The following PDE6A variants were observed in gnomAD, a reference collection of about 807,000 sequenced individuals.
The protein encoded by PDE6A is rod cGMP-specific 3',5'-cyclic phosphodiesterase subunit alpha.
In PDE6A, 84 loss-of-function variants were observed where a neutral mutation model predicts 106.3. That is an observed-to-expected ratio of 0.79 (90% CI 0.66 to 0.95). The LOEUF (loss-of-function observed/expected upper bound fraction) is 0.95, where lower values mean the gene tolerates loss of function less well. Among genes scored for constraint, PDE6A ranks in the 40% least tolerant of loss-of-function variants. The pLI is 0.00. For synonymous variants in PDE6A, 394 were observed against 386.6 expected (o/e 1.02, Z -0.23); for missense variants, 1,052 against 1,084.9 (o/e 0.97, Z 0.43).
At chr5:149,921,096 A>C (rs539394630) in intron 5 of PDE6A, among the ~76,000 whole-genome samples, 96 of 152,294 alleles carry the variant, frequency 6.3e-4, no homozygotes, top group African/African-American at 2.2e-3. Flanking sequence ...CTAGATATGA[A>C]GGTTTTCTAA....
intron 6 of PDE6A, among the ~76,000 whole-genome samples, chr5:149,912,465 T>A (rs552331052): frequency 2.0e-5 from 3 of 152,212 alleles, no homozygotes; most frequent in Admixed American, 6.5e-5. Flanking sequence ...ACCACTCAAG[T>A]AATGTGTGGC....
rs147636561 is a variant in PDE6A, at chr5:149,883,531, C to G, written c.2033G>C (p.Arg678Thr). Residue 678 changes from arginine to threonine, a missense_variant, in exon 17 of 22, where the codon AGG (arginine) becomes ACG (threonine). By Grantham distance (71) the Arg-to-Thr change is moderately conservative. Around this residue, in one of 3 missense-constraint regions of PDE6A, gnomAD observed 913 missense variants for 915.2 expected, o/e 1.00. Coordinates refer to ENST00000255266, the MANE Select transcript of PDE6A (RefSeq NM_000440.3). ...ATCCACGATCTTTTGGAACATCGTCCTCTTCCTACAAAACATATCAGTCTA... is the reference window on the plus strand; with the variant it reads ...ATCCACGATCTTTTGGAACATCGTCGTCTTCCTACAAAACATATCAGTCTA... ...ATDLALYFKKRTMFQKIVDQS... is the reference protein window; with the variant it reads ...ATDLALYFKKTTMFQKIVDQS... 9.3e-6 allele frequency: 15 copies of G among 1,608,060 alleles called. No homozygotes were observed. The highest frequency in any genetic ancestry group is 1.2e-5 in the Non-Finnish European group (14 of 1,174,776).
intron 3 of PDE6A, chr5:149,932,668 C>A: frequency 6.2e-7 from 1 of 1,612,874 alleles, no homozygotes; most frequent in Non-Finnish European, 8.5e-7. Flanking sequence ...TTTCTGCCAT[C>A]TCAGCAGCAG....
chr5:149,898,469 G>C lies in PDE6A; in HGVS notation c.1301C>G (p.Pro434Arg). The change falls in exon 10 of 22, where the codon CCT becomes CGT. Residue 434 changes from proline (P) to arginine (R), a missense_variant. Pro to Arg is a moderately radical substitution (Grantham distance 103). This residue lies in a region of PDE6A where 913 missense variants were observed against 915.2 expected (regional missense o/e 1.00). Transcript: ENST00000255266. ...TQFLGWSVLNPDTYESMNKLE... is the reference protein window; with the variant it reads ...TQFLGWSVLNRDTYESMNKLE... ...TTTATTCATTGACTCATAGGTGTCA[G>C]GATTTAAGACAGACCAGCCCAGAAA... 1 of 1,613,684 alleles carries C rather than the reference G, an allele frequency of 6.2e-7. No homozygotes were observed. Among genetic ancestry groups the C allele is most frequent in the African/African-American group, 1.3e-5 (1 of 75,028 alleles).
At chr5:149,866,351 T>C (rs1036144443) in intron 19 of PDE6A, 98 bp from the exon 20 acceptor site, 1 of 871,596 alleles carries the variant, frequency 1.1e-6, no homozygotes. Context: ...AAACTCATCA[T>C]GTTTCCAGAC....
intron 17 of PDE6A, among the ~76,000 whole-genome samples, chr5:149,872,436 C>T (rs1162057689): frequency 2.6e-5 from 4 of 152,162 alleles, no homozygotes; most frequent in Admixed American, 6.5e-5. Flanking sequence ...ATCTCACTCA[C>T]GTTCTGGGTC....
rs1430094676 is a variant in PDE6A, at chr5:149,858,244, A to C, written c.*2651T>G. On this transcript the variant is annotated 3_prime_UTR_variant, in exon 22 of 22. Transcript: ENST00000255266. ...AAATATGTATACTTTTTATTTGCTA[A>C]TTATACCTCCATAAAGCTGGTGGTG... 1 of 152,176 alleles carries C rather than the reference A, an allele frequency of 6.6e-6. No homozygotes were observed. Among genetic ancestry groups the C allele is most frequent in the Non-Finnish European group, 1.5e-5 (1 of 68,044 alleles). 9.4% of individuals were successfully genotyped at this position (152,176 alleles called of 1,614,324 possible).
Position 149,944,715 on chromosome 5 carries a change from G to T in PDE6A, c.-42C>A. The T allele has an allele frequency of 2.0e-6, 3 of 1,515,246 alleles. No homozygotes were observed. The highest frequency in any genetic ancestry group is 1.2e-5 in the South Asian group (1 of 85,370). The allele number at this position is 1,515,246 out of a possible 1,614,324, so 93.9% of individuals were successfully genotyped here. A position where few individuals can be genotyped will look rare whatever the true frequency, so the allele number is the denominator to read the frequency against. ...GGCTACTCTGTAGAAGGACTGGGAC[G>T]GAGGCCTTCCAATGGCAGTTTTGCA... On this transcript the variant is annotated 5_prime_UTR_variant, in exon 1 of 22. Coordinates refer to ENST00000255266, the MANE Select transcript of PDE6A (RefSeq NM_000440.3).
intron 10 of PDE6A, 45 bp from the exon 11 acceptor site, chr5:149,896,821 A>T: frequency 6.2e-7 from 1 of 1,600,874 alleles, no homozygotes. Flanking sequence ...AGGTTACAAC[A>T]TGCCTCCGCG....
intron 17 of PDE6A, among the ~76,000 whole-genome samples, chr5:149,881,067 A>G (rs1267976646): frequency 6.6e-6 from 1 of 152,176 alleles, no homozygotes; most frequent in Non-Finnish European, 1.5e-5. Flanking sequence ...CGTCTCAGAA[A>G]AAAGAAAAGA....
At chr5:149,936,503 T>C (rs1754189947) in intron 1 of PDE6A, among the ~76,000 whole-genome samples, 2 of 152,192 alleles carry the variant, frequency 1.3e-5, no homozygotes, top group African/African-American at 4.8e-5. Flanking sequence ...TTTCCCAATG[T>C]TCACTTCTTT....
At chr5:149,918,506 G>A (rs1003830435) in intron 5 of PDE6A, among the ~76,000 whole-genome samples, 1 of 152,218 alleles carries the variant, frequency 6.6e-6, no homozygotes, top group African/African-American at 2.4e-5. Context: ...TAGGAGGAAG[G>A]TGGCACTTAA....
intron 1 of PDE6A, 81 bp downstream of exon 1, chr5:149,944,119 C>T (rs1405239484): frequency 8.7e-6 from 9 of 1,031,038 alleles, no homozygotes; most frequent in Middle Eastern, 2.4e-4. Context: ...GTCTTGGTGG[C>T]CAATGCCCCT....
intron 4 of PDE6A, among the ~76,000 whole-genome samples, 190 bp from the exon 5 acceptor site, chr5:149,921,899 T>C (rs1316275349): frequency 6.6e-6 from 1 of 152,170 alleles, no homozygotes; most frequent in Admixed American, 6.5e-5. Context: ...CTTCAAAATA[T>C]TGATGAACTG....
At chr5:149,909,004 T>C (rs1371429118) in intron 6 of PDE6A, among the ~76,000 whole-genome samples, 1 of 152,264 alleles carries the variant, frequency 6.6e-6, no homozygotes, top group African/African-American at 2.4e-5. Flanking sequence ...CTTGATTTTG[T>C]CAGTTTTACT....
In PDE6A at chr5:149,944,322, C is replaced by A; in HGVS notation, c.352G>T (p.Asp118Tyr). ...ACCAGGCAGTCCTCGAGGACAGCAT[C>A]CTTGTGGACATTGAAAAGCCTGGTG... ...LATRLFNVHK[D>Y]AVLEDCLVMP... The change falls in exon 1 of 22, where the codon GAT becomes TAT. Residue 118 changes from aspartate (D) to tyrosine (Y), a missense_variant. Around this residue, in one of 3 missense-constraint regions of PDE6A, gnomAD observed 913 missense variants for 915.2 expected, o/e 1.00. Coordinates refer to ENST00000255266, the MANE Select transcript of PDE6A (RefSeq NM_000440.3). 6.2e-7 allele frequency: 1 copy of A among 1,614,086 alleles called. No homozygotes were observed. The highest frequency in any genetic ancestry group is 1.1e-5 in the South Asian group (1 of 91,070).
intron 5 of PDE6A, among the ~76,000 whole-genome samples, chr5:149,916,160 C>T (rs559430671): frequency 1.1e-4 from 17 of 152,230 alleles, no homozygotes; most frequent in East Asian, 3.9e-4. Context: ...TTTATAAAAC[C>T]GTCTACCTTC....
At chr5:149,862,396 A>G (rs1025846737) in intron 21 of PDE6A, among the ~76,000 whole-genome samples, 13 of 152,234 alleles carry the variant, frequency 8.5e-5, no homozygotes, top group African/African-American at 3.1e-4. Flanking sequence ...CTGGTGGTAT[A>G]CAAGCATAAG....
At position 149,864,622 on chromosome 5, in the gene PDE6A, T is replaced by C. The variant is rs1046614236; in HGVS notation, c.2359-1356A>G. On this transcript the variant is annotated intron_variant, in intron 20 of 21. Transcript: ENST00000255266. ...TTATCTCCTCTGGTCCTCAAATTCC[T>C]GTGAGGTAGGAAAATAAGATTCATC... 5.3e-5 allele frequency among the ~76,000 whole-genome samples: 8 copies of C among 152,318 alleles called. No homozygotes were observed. In the East Asian group the frequency reaches 1.5e-3, roughly 29 times the overall value.
Sources: gnomAD v4.1 joint callset for allele counts (sites outside exome capture counted in the v4.1 genomes callset) on GRCh38, gnomAD v4.1.1 for gene constraint, gnomAD v4.1.1 regional missense constraint, MANE v1.5 for transcripts, NCBI Gene and HGNC (gene_info 2026-07-23, HGNC 2026-07-21) for gene names.